RTF1: variants seen among roughly 807,000 people sequenced by gnomAD.
RTF1 encodes the protein RTF1 homolog, Paf1/RNA polymerase II complex component.
In RTF1, 10 loss-of-function variants were observed where a neutral mutation model predicts 95.7. The ratio of observed to expected loss-of-function variants is 0.10; its 90% CI spans 0.06 to 0.18. The LOEUF (loss-of-function observed/expected upper bound fraction) is 0.18, where lower values mean the gene tolerates loss of function less well. Among genes scored for constraint, RTF1 ranks in the 10% least tolerant of loss-of-function variants. RTF1 has a pLI of 1.00. For synonymous variants in RTF1, 305 were observed against 311.8 expected, an observed-to-expected ratio of 0.98 and a Z score of 0.23; for missense variants, 458 against 875.6, an observed-to-expected ratio of 0.52 and a Z score of 6.02.
At chr15:41,456,850 C>T (rs956266268) in intron 3 of RTF1, among the ~76,000 whole-genome samples, 1 of 151,556 alleles carries the variant, frequency 6.6e-6, no homozygotes, top group African/African-American at 2.4e-5. Context: ...CTTTGAGAGG[C>T]CAAGGTGGGC....
intron 9 of RTF1, 123 bp from the exon 10 acceptor site, chr15:41,475,402 T>C: frequency 2.8e-6 from 2 of 716,654 alleles, no homozygotes; most frequent in Non-Finnish European, 4.8e-6. Context: ...TTTTATAGGG[T>C]AGCTAGGATT....
chr15:41,466,284 T>C (rs1023279759), intron 6 of RTF1, 32 bp downstream of exon 6: 38 of 1,375,848 alleles, frequency 2.8e-5, no homozygotes, highest in Non-Finnish European at 3.4e-5. Flanking sequence ...GCTACTTGTG[T>C]CTTTATATGA....
At position 41,457,711 on chromosome 15, in the gene RTF1, G is replaced by A. The variant is rs1464608490; in HGVS notation, c.497G>A (p.Ser166Asn). Residue 166 changes from serine (S) to asparagine (N), a missense_variant, in exon 4 of 18, where the codon AGT becomes AAT. Physicochemically the swap from Ser to Asn is conservative, Grantham distance 46. Around this residue, in one of 11 missense-constraint regions of RTF1, gnomAD observed 15 missense variants for 28.4 expected, o/e 0.53. Coordinates refer to ENST00000389629, the MANE Select transcript of RTF1 (RefSeq NM_015138.5). ...TCTGACAGCAACAGCTCCTCTTCCA[G>A]TTCAGATTCAGACTCTTCCTCAGAA... ...SDSDSNSSSS[S>N]SDSDSSSEDE... 2.5e-6 allele frequency: 4 copies of A among 1,614,086 alleles called. No individual in the cohort carries two copies. Among genetic ancestry groups the A allele is most frequent in the African/African-American group, 1.3e-5 (1 of 75,010 alleles).
rs201667884 is a variant in RTF1 at position 41,476,465 on chromosome 15, G to A, written c.1502G>A (p.Arg501Lys). The A allele has an allele frequency of 4.6e-5, 75 of 1,613,592 alleles. No homozygotes were observed. The highest frequency in any genetic ancestry group is 1.5e-4 in the Admixed American group (9 of 59,990). Residue 501 changes from arginine (R) to lysine (K), a missense_variant, in exon 12 of 18, where the codon AGG (arginine) becomes AAG (lysine). Arg to Lys is a conservative substitution (Grantham distance 26). This residue lies in a region of RTF1 where 150 missense variants were observed against 275.7 expected (regional missense o/e 0.54). Coordinates refer to ENST00000389629, the MANE Select transcript of RTF1 (RefSeq NM_015138.5). ...DIEEIVKEKE[R>K]FRKAPPNYAM... ...GTACAGATTGTAAAAGAGAAAGAAA[G>A]GTTCAGAAAAGCTCCACCCAACTAC...
chr15:41,480,332 G>A lies in RTF1; in HGVS notation c.2026+7G>A. The A allele has an allele frequency of 6.3e-7, 1 of 1,584,200 alleles. No homozygotes were observed. Among genetic ancestry groups the A allele is most frequent in the South Asian group, 1.1e-5 (1 of 90,434 alleles). ...TTACAAGTTCCCAGCTCAGGTATGTGAGGGTGGGGCGGGTGGTGAGGGCTG... is the reference window on the plus strand; with the variant it reads ...TTACAAGTTCCCAGCTCAGGTATGTAAGGGTGGGGCGGGTGGTGAGGGCTG... On this transcript the variant is annotated splice_region_variant and intron_variant, in intron 17 of 17. Coordinates refer to ENST00000389629, the MANE Select transcript of RTF1 (RefSeq NM_015138.5).
rs2050796236 is a variant in RTF1, at chr15:41,453,029, G to C, written c.438G>C (p.Glu146Asp). 6.2e-7 allele frequency: 1 copy of C among 1,601,998 alleles called. No individual in the cohort carries two copies. Among genetic ancestry groups the C allele is most frequent in the Non-Finnish European group, 8.5e-7 (1 of 1,176,754 alleles). The change falls in exon 3 of 18, where the codon GAG becomes GAC. Residue 146 changes from glutamate (E) to aspartate (D), a missense_variant. By Grantham distance (45) the Glu-to-Asp change is conservative. Around this residue, in one of 11 missense-constraint regions of RTF1, gnomAD observed 39 missense variants for 38.4 expected, o/e 1.02. Transcript: ENST00000389629. The stretch of plus-strand genomic sequence containing the variant: ...GTTCAGACAAAGACAGTTCAGCTGA[G>C]AGCTCAGCCCCTGAGGAAGGTGAGC... ...SGSSDKDSSA[E>D]SSAPEEGEVS...
At chr15:41,419,945 G>A (rs1369533144) in intron 1 of RTF1, among the ~76,000 whole-genome samples, 1 of 151,978 alleles carries the variant, frequency 6.6e-6, no homozygotes, top group Non-Finnish European at 1.5e-5. Context: ...TCAGCCTCCC[G>A]TGTAGCTGGG....
At chr15:41,443,953 A>G (rs1438368170) in intron 2 of RTF1, among the ~76,000 whole-genome samples, 1 of 151,816 alleles carries the variant, frequency 6.6e-6, no homozygotes, top group Non-Finnish European at 1.5e-5. Context: ...CTGTAGTCCC[A>G]GCTACTCTGG....
At chr15:41,458,974 A>C (rs1334381642) in intron 4 of RTF1, among the ~76,000 whole-genome samples, 1 of 152,120 alleles carries the variant, frequency 6.6e-6, no homozygotes, top group Non-Finnish European at 1.5e-5. Flanking sequence ...CGGGATCCTG[A>C]GGCAGGAGAA....
Position 41,479,217 on chromosome 15 carries a change from T to C in RTF1, c.1914+19T>C. 6.5e-7 allele frequency: 1 copy of C among 1,539,140 alleles called. No individual in the cohort carries two copies. Among genetic ancestry groups the C allele is most frequent in the Non-Finnish European group, 9.0e-7 (1 of 1,113,810 alleles). ...GAGCAAGGCAAGTGTGGTACCACCC[T>C]GTTGCCTGCTGAGTGAGGCTGCTGG... On this transcript the variant is annotated intron_variant, in intron 16 of 17. Transcript: ENST00000389629.
intron 2 of RTF1, among the ~76,000 whole-genome samples, chr15:41,445,748 T>C (rs2050757552): frequency 6.6e-6 from 1 of 151,770 alleles, no homozygotes; most frequent in Non-Finnish European, 1.5e-5. Context: ...TTTTTTTTTT[T>C]TTTTGGAAAC....
intron 1 of RTF1, among the ~76,000 whole-genome samples, chr15:41,419,908 C>G (rs1595420806): frequency 6.6e-6 from 1 of 152,114 alleles, no homozygotes; most frequent in East Asian, 1.9e-4. Flanking sequence ...CAACCTCCGC[C>G]CACTGGGTTC....
intron 2 of RTF1, among the ~76,000 whole-genome samples, chr15:41,447,327 T>G (rs1218327171): frequency 6.6e-6 from 1 of 152,048 alleles, no homozygotes; most frequent in Non-Finnish European, 1.5e-5. Context: ...GCCACCCTAT[T>G]CCAGAGCAAC....
At chr15:41,425,108 G>T (rs1288978231) in intron 1 of RTF1, among the ~76,000 whole-genome samples, 1 of 151,154 alleles carries the variant, frequency 6.6e-6, no homozygotes, top group Non-Finnish European at 1.5e-5. Flanking sequence ...GCTAATTTTT[G>T]TTTTTTATTT....
In RTF1 at chr15:41,482,540, T is replaced by A. The variant is rs2050983026; in HGVS notation, c.*1853T>A. The A allele has an allele frequency of 6.6e-6, 1 of 152,480 alleles. No individual in the cohort carries two copies. Among genetic ancestry groups the A allele is most frequent in the Non-Finnish European group, 1.5e-5 (1 of 68,024 alleles). The allele number at this position is 152,480 out of a possible 1,614,324, so 9.4% of individuals were successfully genotyped here. A position where few individuals can be genotyped will look rare whatever the true frequency, so the allele number is the denominator to read the frequency against. On this transcript the variant is annotated 3_prime_UTR_variant, in exon 18 of 18. Coordinates refer to ENST00000389629, the MANE Select transcript of RTF1 (RefSeq NM_015138.5). ...TCGCTTTAACTTAGTTTACTTTTTT[T>A]TTATTTTTAAAGCAGCAATGGATGG...
intron 9 of RTF1, 28 bp from the exon 10 acceptor site, chr15:41,475,497 T>C (rs1366569409): frequency 5.0e-6 from 8 of 1,592,134 alleles, no homozygotes; most frequent in Non-Finnish European, 6.9e-6. Flanking sequence ...TGCACATTTC[T>C]TGGAGATGCT....
Position 41,481,409 on chromosome 15 carries a change from CAAGA to C in RTF1, c.*729_*732del, listed in dbSNP as rs955012093. ...AGCTGTACTTGAGCATCTGAAACTG[CAAGA>C]AAGAAACTCATTAAATGTGATTCTT... On this transcript the variant is annotated 3_prime_UTR_variant, in exon 18 of 18. Transcript: ENST00000389629. 2.0e-5 allele frequency: 3 copies of C among 152,558 alleles called. No homozygotes were observed. Among genetic ancestry groups the C allele is most frequent in the African/African-American group, 7.2e-5 (3 of 41,422 alleles). The allele number at this position is 152,558 out of a possible 1,614,324, so 9.5% of individuals were successfully genotyped here.
At chr15:41,432,214 G>A (rs1332836114) in intron 1 of RTF1, among the ~76,000 whole-genome samples, 2 of 145,050 alleles carry the variant, frequency 1.4e-5, no homozygotes, top group East Asian at 4.1e-4. Flanking sequence ...TTTTTTTTGA[G>A]ATGGAGTCTT....
At position 41,457,881 on chromosome 15, in the gene RTF1, G is replaced by A. The variant is rs1318463757; in HGVS notation, c.662+5G>A. ...GAGGGAGGTGTTGAAAAGAAGGTAA[G>A]GTTGTCCTCGTCGTTGTCCCCCCCC... On this transcript the variant is annotated splice_donor_5th_base_variant and intron_variant, in intron 4 of 17. Coordinates refer to ENST00000389629, the MANE Select transcript of RTF1 (RefSeq NM_015138.5). 1 of 1,611,420 alleles carries A rather than the reference G, an allele frequency of 6.2e-7. No homozygotes were observed. Among genetic ancestry groups the A allele is most frequent in the Admixed American group, 1.7e-5 (1 of 59,798 alleles).
Sources: gnomAD v4.1 joint callset for allele counts (sites outside exome capture counted in the v4.1 genomes callset) on GRCh38, gnomAD v4.1.1 for gene constraint, gnomAD v4.1.1 regional missense constraint, MANE v1.5 for transcripts, NCBI Gene and HGNC (gene_info 2026-07-23, HGNC 2026-07-21) for gene names.